The following GPHN variants were observed in gnomAD, a reference collection of about 807,000 sequenced individuals.
GPHN encodes the protein gephyrin.
A neutral mutation model predicts 95.5 loss-of-function variants in GPHN; 17 were observed. That is an observed-to-expected ratio of 0.18 (90% CI 0.12 to 0.27). The LOEUF (loss-of-function observed/expected upper bound fraction) is 0.27. Ranked by LOEUF, GPHN falls within the 10% of genes least tolerant of loss-of-function variation. The pLI is 1.00. For synonymous variants in GPHN, 320 were observed against 322.5 expected (o/e 0.99, Z 0.08); for missense variants, 660 against 978.1 (o/e 0.67, Z 4.34).
chr14:67,208,352 G>C, the GPHN span: 1 of 1,613,994 alleles, frequency 6.2e-7, no homozygotes, highest in Non-Finnish European at 8.5e-7. Flanking sequence ...GACCCCAGTA[G>C]AAAGTGAGGC....
intron 6 of GPHN, among the ~76,000 whole-genome samples, chr14:66,921,884 T>A (rs916516859): frequency 2.6e-5 from 4 of 152,074 alleles, no homozygotes; most frequent in African/African-American, 9.7e-5. Context: ...TGGAACAGAA[T>A]AGAGAACCTA....
intron 1 of GPHN, among the ~76,000 whole-genome samples, chr14:66,658,854 G>T (rs1390945919): frequency 1.3e-5 from 2 of 149,376 alleles, no homozygotes; most frequent in Non-Finnish European, 1.5e-5. Context: ...TTTCTTTTCT[G>T]TTTTTCTCTT....
In GPHN at chr14:66,773,447, G is replaced by A. The variant is rs111741507; in HGVS notation, c.144-3017G>A. On this transcript the variant is annotated intron_variant, in intron 2 of 22. Coordinates refer to ENST00000478722, the MANE Select transcript of GPHN (RefSeq NM_020806.5). The stretch of plus-strand genomic sequence containing the variant: ...CAGCTCACTGCAACCTCTGTCTCCC[G>A]GGTTCAAGCTATTCTTCTGCCTCAG... Among the ~76,000 whole-genome samples, 466 of 149,872 alleles carry A rather than the reference G, an allele frequency of 3.1e-3. 11 individuals are homozygous for A. The highest frequency in any genetic ancestry group is 0.011 in the African/African-American group (441 of 40,874).
intron 1 of GPHN, among the ~76,000 whole-genome samples, chr14:66,527,727 C>G (rs948722218): frequency 6.6e-6 from 1 of 152,130 alleles, no homozygotes; most frequent in African/African-American, 2.4e-5. Context: ...ATTATTTACC[C>G]AGTAGTCATT....
At chr14:66,982,061 A>G (rs1424984702) in intron 9 of GPHN, among the ~76,000 whole-genome samples, 2 of 152,232 alleles carry the variant, frequency 1.3e-5, no homozygotes, top group Admixed American at 1.3e-4. Context: ...TGCAGTTATC[A>G]TAAGCCTGAA....
At chr14:66,807,242 T>A (rs1185477489) in intron 3 of GPHN, among the ~76,000 whole-genome samples, 1 of 152,122 alleles carries the variant, frequency 6.6e-6, no homozygotes, top group Non-Finnish European at 1.5e-5. Context: ...CCCCCATGAT[T>A]CAATTACCTC....
At chr14:66,829,577 A>T (rs939777084) in intron 4 of GPHN, among the ~76,000 whole-genome samples, 2 of 152,204 alleles carry the variant, frequency 1.3e-5, no homozygotes, top group Admixed American at 6.5e-5. Flanking sequence ...TCTGTGTTTG[A>T]TAATATAGTA....
At chr14:67,287,239 A>AC in the GPHN span, among the ~76,000 whole-genome samples, 1 of 152,090 alleles carries the variant, frequency 6.6e-6, no homozygotes, top group African/African-American at 2.4e-5. Context: ...ACAAAAAAAA[A>AC]GACACTGGAG....
the GPHN span, chr14:67,577,542 C>T: frequency 3.1e-6 from 2 of 644,618 alleles, no homozygotes; most frequent in South Asian, 1.8e-5. Flanking sequence ...CCCAGGGTCC[C>T]TATCACTTCC....
At chr14:66,692,277 A>G (rs6573707) in intron 2 of GPHN, among the ~76,000 whole-genome samples, 47,333 of 152,090 alleles carry the variant, frequency 0.31, 11,200 homozygotes, top group African/African-American at 0.64. Flanking sequence ...CTTCATTGTC[A>G]TATGCTCTGG....
At chr14:67,245,033 C>T in the GPHN span, among the ~76,000 whole-genome samples, 1 of 152,124 alleles carries the variant, frequency 6.6e-6, no homozygotes, top group African/African-American at 2.4e-5. Context: ...GAGAGCAGGC[C>T]ACAAACTAAG....
chr14:67,287,878 T>A, the GPHN span, among the ~76,000 whole-genome samples: 1 of 152,206 alleles, frequency 6.6e-6, no homozygotes. Flanking sequence ...TATTTTAGTG[T>A]CCTTTTGAGT....
chr14:67,704,353 A>T, the GPHN span, among the ~76,000 whole-genome samples: 2 of 152,214 alleles, frequency 1.3e-5, no homozygotes, highest in African/African-American at 4.8e-5. Flanking sequence ...AGGCATTTTT[A>T]AAATAATTTT....
the GPHN span, chr14:67,695,857 C>T: frequency 1.5e-6 from 1 of 661,648 alleles, no homozygotes; most frequent in Non-Finnish European, 2.6e-6. Flanking sequence ...CTCAGGCTGG[C>T]TACGTGGGAG....
chr14:66,676,853 C>T (rs1356473210), intron 1 of GPHN, among the ~76,000 whole-genome samples: 2 of 151,952 alleles, frequency 1.3e-5, no homozygotes, highest in East Asian at 3.9e-4. Context: ...GAAGAATTTC[C>T]ACCTTTTTAA....
At chr14:67,726,776 G>A in the GPHN span, among the ~76,000 whole-genome samples, 2,303 of 152,272 alleles carry the variant, frequency 0.015, 40 homozygotes, top group African/African-American at 0.043. Context: ...AATTAAGTAT[G>A]ATTGCCTTAC....
chr14:67,358,798 A>T, the GPHN span, among the ~76,000 whole-genome samples: 1 of 152,238 alleles, frequency 6.6e-6, no homozygotes, highest in Admixed American at 6.5e-5. Context: ...TTCCTTACAA[A>T]CTAGCCAAAC....
chr14:67,313,716 G>A, the GPHN span, among the ~76,000 whole-genome samples: 1 of 152,058 alleles, frequency 6.6e-6, no homozygotes, highest in Non-Finnish European at 1.5e-5. Context: ...ACTTTGCCTG[G>A]TGCTGAGATA....
the GPHN span, chr14:67,659,590 C>A: frequency 1.2e-6 from 1 of 813,742 alleles, no homozygotes; most frequent in Non-Finnish European, 1.8e-6. Flanking sequence ...GAACTGGATG[C>A]AGAAAAGAGG....
Sources: allele counts gnomAD v4.1 joint callset (sites outside exome capture counted in the v4.1 genomes callset), GRCh38; gene constraint gnomAD v4.1.1; transcripts MANE v1.5; gene names NCBI Gene and HGNC (gene_info 2026-07-23, HGNC 2026-07-21).